DSCAM: variants seen among roughly 807,000 people sequenced by gnomAD.
The protein encoded by DSCAM is DS cell adhesion molecule.
DSCAM carries 47 observed loss-of-function variants against 217.7 expected under a neutral mutation model. The observed-to-expected ratio is 0.22, with a 90% CI of 0.17 to 0.28. The LOEUF is 0.28. DSCAM is among the 10% of genes least tolerant of loss of function. The pLI, the probability that DSCAM is intolerant of heterozygous loss-of-function variation, is 1.00. For missense variants in DSCAM, 2,080 were observed against 2,618.3 expected (o/e 0.79, Z 4.49); for synonymous variants, 1,056 against 1,015.3 (o/e 1.04, Z -0.76).
intron 11 of DSCAM, among the ~76,000 whole-genome samples, chr21:40,263,154 T>G (rs1312836647): frequency 6.6e-6 from 1 of 152,202 alleles, no homozygotes; most frequent in African/African-American, 2.4e-5. Context: ...CGTTAAGGAA[T>G]CTACCAGAAA....
chr21:40,267,626 G>A (rs2073556948), intron 11 of DSCAM, among the ~76,000 whole-genome samples: 1 of 152,192 alleles, frequency 6.6e-6, no homozygotes, highest in African/African-American at 2.4e-5. Flanking sequence ...GCCGGGTGTG[G>A]TGGCTTACAC....
intron 23 of DSCAM, among the ~76,000 whole-genome samples, chr21:40,085,147 C>T (rs1039396608): frequency 1.3e-5 from 2 of 152,152 alleles, no homozygotes; most frequent in African/African-American, 4.8e-5. Context: ...AATACTACAG[C>T]GATCTACTTA....
At chr21:40,804,534 G>A (rs2091769337) in intron 1 of DSCAM, among the ~76,000 whole-genome samples, 1 of 151,766 alleles carries the variant, frequency 6.6e-6, no homozygotes, top group African/African-American at 2.4e-5. Flanking sequence ...CCCGTTCCCA[G>A]CACACCTTCC....
intron 3 of DSCAM, among the ~76,000 whole-genome samples, chr21:40,551,738 T>C (rs2076631713): frequency 6.6e-6 from 1 of 152,224 alleles, no homozygotes; most frequent in Non-Finnish European, 1.5e-5. Context: ...GGTTGGAATT[T>C]GGTATCTTAT....
chr21:40,731,900 T>C (rs1471306057), intron 1 of DSCAM, among the ~76,000 whole-genome samples: 1 of 152,120 alleles, frequency 6.6e-6, no homozygotes, highest in Non-Finnish European at 1.5e-5. Flanking sequence ...TAATTTTTTG[T>C]ATTTTTAGTA....
chr21:40,203,514 T>C (rs1046430141), intron 11 of DSCAM, among the ~76,000 whole-genome samples: 2 of 152,360 alleles, frequency 1.3e-5, no homozygotes, highest in South Asian at 2.1e-4. Context: ...TGCGTGCATA[T>C]TGCAGAAGCA....
intron 4 of DSCAM, among the ~76,000 whole-genome samples, chr21:40,364,039 A>G (rs1333037668): frequency 6.6e-6 from 1 of 152,220 alleles, no homozygotes; most frequent in African/African-American, 2.4e-5. Context: ...CAGGTGCTGG[A>G]GAGGATGTGG....
Position 40,141,607 on chromosome 21 carries a change from G to T in DSCAM, c.3406+951C>A, listed in dbSNP as rs375939012. On this transcript the variant is annotated intron_variant, in intron 18 of 32. Transcript: ENST00000400454. ...CACTCCAGCCTGGGTGACAGAGGGA[G>T]ACCCTGTCTCAAAAAAAGAAAAGAA... Among the ~76,000 whole-genome samples the T allele has an allele frequency of 2.9e-4, 44 of 152,194 alleles. No homozygotes were observed. In the East Asian group the frequency reaches 3.9e-3, roughly 13 times the overall value.
intron 1 of DSCAM, among the ~76,000 whole-genome samples, chr21:40,744,103 T>C (rs2091151182): frequency 6.6e-6 from 1 of 152,168 alleles, no homozygotes; most frequent in African/African-American, 2.4e-5. Context: ...TGACACAGAC[T>C]CATGGTTTCT....
At chr21:40,299,367 G>C (rs1300105112) in intron 9 of DSCAM, among the ~76,000 whole-genome samples, 2 of 152,030 alleles carry the variant, frequency 1.3e-5, no homozygotes, top group Admixed American at 1.3e-4. Context: ...TGAATACGTA[G>C]GTCCCTTTCA....
intron 3 of DSCAM, among the ~76,000 whole-genome samples, chr21:40,669,313 A>G (rs2090241631): frequency 6.6e-6 from 1 of 152,196 alleles, no homozygotes; most frequent in Admixed American, 6.5e-5. Flanking sequence ...AAAGCTCCTT[A>G]TATCTAGGAG....
chr21:40,572,176 T>C (rs918602354), intron 3 of DSCAM, among the ~76,000 whole-genome samples: 1 of 151,958 alleles, frequency 6.6e-6, no homozygotes, highest in Admixed American at 6.6e-5. Context: ...ATAAGTTTTA[T>C]AGAATACAGT....
chr21:40,783,107 A>G (rs1477191829), intron 1 of DSCAM, among the ~76,000 whole-genome samples: 4 of 152,366 alleles, frequency 2.6e-5, no homozygotes, highest in African/African-American at 9.6e-5. Context: ...GAGAGAAGGG[A>G]GAGTGTAAAA....
intron 3 of DSCAM, among the ~76,000 whole-genome samples, chr21:40,609,893 G>C (rs1417887134): frequency 6.6e-6 from 1 of 152,208 alleles, no homozygotes; most frequent in Admixed American, 6.5e-5. Context: ...TCAAGCTCTG[G>C]TTAGATTCTT....
At chr21:40,150,308 A>C (rs1042976822) in intron 16 of DSCAM, among the ~76,000 whole-genome samples, 1 of 152,260 alleles carries the variant, frequency 6.6e-6, no homozygotes, top group African/African-American at 2.4e-5. Flanking sequence ...TGGCATTTCT[A>C]ATCAGAGGAA....
intron 3 of DSCAM, among the ~76,000 whole-genome samples, chr21:40,533,697 TCATCCATC>T (rs2076472580): frequency 8.0e-6 from 1 of 125,522 alleles, no homozygotes; most frequent in Non-Finnish European, 1.7e-5. Context: ...ATCCATCCAT[TCATCCATC>T]CATCCATCCA....
chr21:40,275,932 A>C (rs1241459961), intron 11 of DSCAM, among the ~76,000 whole-genome samples, 165 bp downstream of exon 11: 1 of 152,186 alleles, frequency 6.6e-6, no homozygotes, highest in African/African-American at 2.4e-5. Context: ...CATCCTCTTC[A>C]ATCATGTTTC....
chr21:40,163,777 G>A lies in DSCAM; in HGVS notation c.3018+3441C>T, dbSNP rs142686900. ...AGTGGTTGGTCGCCTGGTGTACTGA[G>A]TGTGGTTCACATCTTTGGGTGCCTG... On this transcript the variant is annotated intron_variant, in intron 16 of 32. Transcript: ENST00000400454. 3.1e-3 allele frequency among the ~76,000 whole-genome samples: 468 copies of A among 152,236 alleles called. 3 individuals carry two copies. The highest frequency in any genetic ancestry group is 0.024 in the Middle Eastern group (7 of 294).
intron 25 of DSCAM, 66 bp from the exon 26 acceptor site, chr21:40,079,043 C>T (rs1407804268): frequency 6.4e-7 from 1 of 1,553,954 alleles, no homozygotes; most frequent in Non-Finnish European, 8.7e-7. Flanking sequence ...CATCTTCACG[C>T]ATTTCCCTCG....
Sources: gnomAD v4.1 joint callset for allele counts (sites outside exome capture counted in the v4.1 genomes callset) on GRCh38, gnomAD v4.1.1 for gene constraint, MANE v1.5 for transcripts, NCBI Gene and HGNC (gene_info 2026-07-23, HGNC 2026-07-21) for gene names.